LRP1B: variants seen among roughly 807,000 people sequenced by gnomAD.
The protein encoded by LRP1B is low-density lipoprotein receptor-related protein 1B.
LRP1B carries 217 observed loss-of-function variants against 556.6 expected under a neutral mutation model. That is an observed-to-expected ratio of 0.39 (90% confidence interval 0.35 to 0.44). The LOEUF (loss-of-function observed/expected upper bound fraction) is 0.44, where lower values mean the gene tolerates loss of function less well. LRP1B is among the 20% of genes least tolerant of loss of function. The pLI is 1.00. For missense variants in LRP1B, 5,053 were observed against 5,620.8 expected, an observed-to-expected ratio of 0.90 and a Z score of 3.23; for synonymous variants, 2,047 against 1,865.8, an observed-to-expected ratio of 1.10 and a Z score of -2.50.
At chr2:140,946,098 T>C (rs762040509) in intron 20 of LRP1B, among the ~76,000 whole-genome samples, 5 of 151,964 alleles carry the variant, frequency 3.3e-5, no homozygotes, top group African/African-American at 4.8e-5. Flanking sequence ...AGGAAACATA[T>C]GAAAAAATGC....
intron 2 of LRP1B, among the ~76,000 whole-genome samples, chr2:141,645,081 A>G (rs1009182500): frequency 6.6e-6 from 1 of 152,150 alleles, no homozygotes; most frequent in Non-Finnish European, 1.5e-5. Flanking sequence ...CTTTTGAAAT[A>G]TAAATAAACA....
At chr2:141,595,499 C>T (rs1416854593) in intron 2 of LRP1B, among the ~76,000 whole-genome samples, 1 of 151,920 alleles carries the variant, frequency 6.6e-6, no homozygotes, top group Non-Finnish European at 1.5e-5. Context: ...TGTTAATAGC[C>T]TTTGGCAGAA....
At chr2:141,596,897 A>AT (rs900223577) in intron 2 of LRP1B, among the ~76,000 whole-genome samples, 4 of 151,964 alleles carry the variant, frequency 2.6e-5, no homozygotes, top group East Asian at 1.9e-4. Context: ...TAAAGGGGAG[A>AT]TTTTTTATGA....
At chr2:140,699,215 T>C (rs1216566499) in intron 41 of LRP1B, among the ~76,000 whole-genome samples, 1 of 152,080 alleles carries the variant, frequency 6.6e-6, no homozygotes, top group Non-Finnish European at 1.5e-5. Context: ...AGCTTACCTT[T>C]AGTATAGAAC....
chr2:141,233,598 G>A (rs1426446973), intron 5 of LRP1B, among the ~76,000 whole-genome samples: 3 of 151,990 alleles, frequency 2.0e-5, no homozygotes, highest in East Asian at 3.9e-4. Flanking sequence ...CTGTGTCCTT[G>A]CAAGCCTATC....
At chr2:141,194,196 G>C (rs2105208784) in intron 6 of LRP1B, among the ~76,000 whole-genome samples, 1 of 152,142 alleles carries the variant, frequency 6.6e-6, no homozygotes, top group African/African-American at 2.4e-5. Context: ...TCTTGTTAAT[G>C]AGCTAAATGT....
intron 11 of LRP1B, among the ~76,000 whole-genome samples, chr2:141,037,600 C>T (rs1191864143): frequency 3.3e-5 from 5 of 151,992 alleles, no homozygotes; most frequent in African/African-American, 1.2e-4. Flanking sequence ...GCTGCACTCC[C>T]AGAGTATATT....
chr2:141,337,519 G>C (rs150094907), intron 3 of LRP1B, among the ~76,000 whole-genome samples: 1 of 152,154 alleles, frequency 6.6e-6, no homozygotes, highest in East Asian at 1.9e-4. Context: ...TTTTTATACT[G>C]TTAACAGTCT....
At chr2:142,114,055 T>C (rs1707100179) in intron 1 of LRP1B, among the ~76,000 whole-genome samples, 1 of 152,128 alleles carries the variant, frequency 6.6e-6, no homozygotes, top group Non-Finnish European at 1.5e-5. Flanking sequence ...TAGCATCTAC[T>C]TATCTATGCA....
intron 43 of LRP1B, among the ~76,000 whole-genome samples, chr2:140,574,064 A>G (rs1048693213): frequency 1.3e-5 from 2 of 152,022 alleles, no homozygotes; most frequent in South Asian, 2.1e-4. Flanking sequence ...CTTTCTCTAT[A>G]TGTTATATGC....
chr2:142,069,862 C>T (rs536264900), intron 1 of LRP1B, among the ~76,000 whole-genome samples: 6 of 151,566 alleles, frequency 4.0e-5, no homozygotes, highest in Non-Finnish European at 7.4e-5. Flanking sequence ...TTTTGCTAAT[C>T]AACATGTTTG....
At chr2:141,433,883 A>G (rs1680660306) in intron 3 of LRP1B, among the ~76,000 whole-genome samples, 1 of 148,906 alleles carries the variant, frequency 6.7e-6, no homozygotes. Flanking sequence ...ACCTTCTGCT[A>G]TTCTCAGTAC....
chr2:141,044,293 G>T (rs1040869179), intron 11 of LRP1B, among the ~76,000 whole-genome samples: 7 of 151,518 alleles, frequency 4.6e-5, no homozygotes, highest in Non-Finnish European at 8.8e-5. Context: ...AGACTTAAAC[G>T]TTAGACCTAA....
At chr2:142,034,100 A>T (rs1331177872) in intron 1 of LRP1B, among the ~76,000 whole-genome samples, 1 of 151,714 alleles carries the variant, frequency 6.6e-6, no homozygotes, top group Non-Finnish European at 1.5e-5. Context: ...TCAACATGCA[A>T]AACATCACTC....
At chr2:141,339,311 A>AAAAT (rs1687967392) in intron 3 of LRP1B, among the ~76,000 whole-genome samples, 1 of 149,318 alleles carries the variant, frequency 6.7e-6, no homozygotes, top group South Asian at 2.2e-4. Flanking sequence ...AAAAAAAAAA[A>AAAAT]AAAGCATTCA....
rs1380264825 is a variant in LRP1B at position 141,845,452 on chromosome 2, G to A, written c.83-35051C>T. On this transcript the variant is annotated intron_variant, in intron 1 of 90. Coordinates refer to ENST00000389484, the MANE Select transcript of LRP1B (RefSeq NM_018557.3). ...TTTAATAATTTTCCGCAAGATAATA[G>A]CTATTCCTCTCTTCAGGTAGATTCA... Among the ~76,000 whole-genome samples, 3 of 151,916 alleles carry A rather than the reference G, an allele frequency of 2.0e-5. 1 individual carries two copies. The highest frequency in any genetic ancestry group is 2.0e-4 in the Admixed American group (3 of 15,210).
chr2:141,403,237 T>TA (rs1442917207), intron 3 of LRP1B, among the ~76,000 whole-genome samples: 11 of 152,240 alleles, frequency 7.2e-5, no homozygotes, highest in African/African-American at 2.6e-4. Context: ...GTTTATTTCT[T>TA]AAATGTTTTA....
chr2:140,740,940 A>C (rs944770344), intron 35 of LRP1B, among the ~76,000 whole-genome samples: 14 of 152,142 alleles, frequency 9.2e-5, no homozygotes, highest in Middle Eastern at 3.2e-3. Flanking sequence ...CTGAGGGGCT[A>C]GGGGTTAGAA....
intron 7 of LRP1B, among the ~76,000 whole-genome samples, chr2:141,140,812 C>A (rs1053579257): frequency 6.6e-6 from 1 of 152,086 alleles, no homozygotes; most frequent in Non-Finnish European, 1.5e-5. Context: ...TGCGAAAAAA[C>A]CGCTAATCTG....
Sources: allele counts gnomAD v4.1 joint callset (sites outside exome capture counted in the v4.1 genomes callset), GRCh38; gene constraint gnomAD v4.1.1; transcripts MANE v1.5; gene names NCBI Gene and HGNC (gene_info 2026-07-23, HGNC 2026-07-21).